Variants in DTNA observed in about 807,000 individuals in gnomAD.
The protein encoded by DTNA is dystrophin-related protein 3.
In DTNA, 43 loss-of-function variants were observed where a neutral mutation model predicts 100.7. The observed-to-expected ratio is 0.43, with a 90% confidence interval of 0.33 to 0.55. DTNA has a LOEUF of 0.55. Ranked by LOEUF, DTNA falls within the 20% of genes least tolerant of loss-of-function variation. DTNA has a pLI of 0.04. For missense variants in DTNA, 798 were observed against 953.9 expected, an observed-to-expected ratio of 0.84 and a Z score of 2.15; for synonymous variants, 349 against 347.9, an observed-to-expected ratio of 1.00 and a Z score of -0.04.
At chr18:34,882,526 G>A (rs781240442) in intron 21 of DTNA, among the ~76,000 whole-genome samples, 1 of 151,820 alleles carries the variant, frequency 6.6e-6, no homozygotes, top group Non-Finnish European at 1.5e-5. Flanking sequence ...GCACCACCAC[G>A]CCCAGTTAAT....
intron 1 of DTNA, among the ~76,000 whole-genome samples, chr18:34,555,682 G>T (rs9955234): frequency 6.6e-6 from 1 of 152,164 alleles, no homozygotes; most frequent in African/African-American, 2.4e-5. Flanking sequence ...GTAGTTGAGC[G>T]GTTTTGAGTG....
intron 1 of DTNA, among the ~76,000 whole-genome samples, chr18:34,732,688 TCA>T (rs1177818153): frequency 2.6e-5 from 4 of 152,202 alleles, no homozygotes; most frequent in Admixed American, 6.5e-5. Context: ...GAAAATTAAA[TCA>T]CACAACAAAT....
intron 1 of DTNA, among the ~76,000 whole-genome samples, chr18:34,645,603 G>A (rs1222019418): frequency 6.6e-6 from 1 of 152,138 alleles, no homozygotes; most frequent in African/African-American, 2.4e-5. Context: ...TGGTAATACA[G>A]ATGGTGTGTA....
At position 34,873,679 on chromosome 18, in the gene DTNA, C is replaced by T. The variant is rs1003485263; in HGVS notation, c.1744-1560C>T. On this transcript the variant is annotated intron_variant, in intron 17 of 22. Transcript: ENST00000444659. ...ACTTCCCAGGGTCATGGAGAGAAAT[C>T]AGTGAGAGTGTATGTGAAAACCCTT... Among the ~76,000 whole-genome samples, 3 of 152,178 alleles carry T rather than the reference C, an allele frequency of 2.0e-5. No individual in the cohort carries two copies. The South Asian group carries it at 6.2e-4, about 32-fold the overall frequency.
intron 1 of DTNA, among the ~76,000 whole-genome samples, chr18:34,718,391 A>G (rs1455268278): frequency 6.6e-6 from 1 of 152,206 alleles, no homozygotes; most frequent in Non-Finnish European, 1.5e-5. Context: ...TTTTAAAAGT[A>G]TATAATTAGG....
intron 3 of DTNA, among the ~76,000 whole-genome samples, chr18:34,776,030 G>T (rs1006037940): frequency 7.9e-5 from 12 of 152,206 alleles, no homozygotes; most frequent in Non-Finnish European, 1.2e-4. Context: ...AAGAGCCACT[G>T]GGACATATAC....
chr18:34,664,569 A>G (rs2075643071), intron 1 of DTNA, among the ~76,000 whole-genome samples: 1 of 152,138 alleles, frequency 6.6e-6, no homozygotes, highest in African/African-American at 2.4e-5. Flanking sequence ...TTTCTGCTAC[A>G]CCAGCCTTCC....
intron 10 of DTNA, 105 bp from the exon 11 acceptor site, chr18:34,829,295 G>T: frequency 1.3e-6 from 2 of 1,522,164 alleles, no homozygotes; most frequent in African/African-American, 1.4e-5. Context: ...TGTTTTGAGG[G>T]TGCTGTTCAA....
chr18:34,880,246 G>A (rs1187290746), intron 20 of DTNA, among the ~76,000 whole-genome samples: 1 of 152,198 alleles, frequency 6.6e-6, no homozygotes, highest in African/African-American at 2.4e-5. Context: ...ACCCTCCAAA[G>A]ACTTATTTGC....
In DTNA at chr18:34,888,286, A is replaced by G. The variant is rs1343278350; in HGVS notation, c.*552A>G. The G allele has an allele frequency of 2.0e-6, 2 of 985,408 alleles. No individual in the cohort carries two copies. The highest frequency in any genetic ancestry group is 2.4e-6 in the Non-Finnish European group (2 of 829,930). The allele number at this position is 985,408 out of a possible 1,614,324, so 61.0% of individuals were successfully genotyped here. A position where few individuals can be genotyped will look rare whatever the true frequency, so the allele number is the denominator to read the frequency against. ...TGTACATTTTTTTCACAGCAATTGG[A>G]AAAAAACAACCACTTGCAATCATTC... On this transcript the variant is annotated 3_prime_UTR_variant, in exon 23 of 23. Coordinates refer to ENST00000444659, the MANE Select transcript of DTNA (RefSeq NM_001386795.1).
intron 1 of DTNA, among the ~76,000 whole-genome samples, chr18:34,698,937 C>G (rs2080984715): frequency 6.6e-6 from 1 of 151,292 alleles, no homozygotes; most frequent in Non-Finnish European, 1.5e-5. Flanking sequence ...ATCCTTCAAT[C>G]CAATCACATT....
intron 1 of DTNA, among the ~76,000 whole-genome samples, chr18:34,534,468 A>G (rs2043474714): frequency 6.6e-6 from 1 of 152,042 alleles, no homozygotes; most frequent in Non-Finnish European, 1.5e-5. Context: ...CAGGGCATCA[A>G]GCATCAAGCA....
chr18:34,737,382 G>A (rs905447365), intron 1 of DTNA, among the ~76,000 whole-genome samples: 3 of 152,108 alleles, frequency 2.0e-5, no homozygotes, highest in Non-Finnish European at 2.9e-5. Flanking sequence ...TTCTAAAGAC[G>A]GTCTGGTTCT....
intron 3 of DTNA, among the ~76,000 whole-genome samples, chr18:34,781,170 G>A (rs945605618): frequency 2.0e-5 from 3 of 152,188 alleles, no homozygotes; most frequent in African/African-American, 7.2e-5. Flanking sequence ...AGGTACACAA[G>A]AAGGATCTGA....
intron 1 of DTNA, among the ~76,000 whole-genome samples, chr18:34,714,404 C>G (rs1257524074): frequency 3.4e-5 from 5 of 148,496 alleles, no homozygotes; most frequent in Admixed American, 3.3e-4. Context: ...ACAAACAACC[C>G]CATCAAAAAG....
rs145747120 is a variant in DTNA, at chr18:34,712,704, C to T, written c.-2+2259C>T. On this transcript the variant is annotated intron_variant, in intron 1 of 22. Coordinates refer to ENST00000444659, the MANE Select transcript of DTNA (RefSeq NM_001386795.1). ...TTTAATTGTACAGTATTTGTTTCAA[C>T]TCTTGTTTAAATTATGCTTTCTTGT... Among the ~76,000 whole-genome samples, 158 of 152,204 alleles carry T rather than the reference C, an allele frequency of 1.0e-3. 1 individual carries two copies. Among genetic ancestry groups the T allele is most frequent in the African/African-American group, 3.5e-3 (146 of 41,568 alleles).
At chr18:34,705,998 A>G (rs964842401), upstream of DTNA, among the ~76,000 whole-genome samples, 1 of 152,134 alleles carries the variant, frequency 6.6e-6, no homozygotes, top group Non-Finnish European at 1.5e-5. Flanking sequence ...CCCAGGCTAG[A>G]GTGTAGTGGC....
chr18:34,803,396 T>G (rs1007237775), intron 4 of DTNA, among the ~76,000 whole-genome samples: 2 of 152,016 alleles, frequency 1.3e-5, no homozygotes, highest in African/African-American at 4.8e-5. Context: ...AATCTCCCCA[T>G]GATCTTCTTC....
intron 1 of DTNA, among the ~76,000 whole-genome samples, chr18:34,681,361 G>A (rs1369636003): frequency 1.3e-5 from 2 of 152,022 alleles, no homozygotes; most frequent in African/African-American, 4.8e-5. Context: ...TTTATACTAA[G>A]ACATTGAGAT....
Sources: allele counts gnomAD v4.1 joint callset (sites outside exome capture counted in the v4.1 genomes callset), GRCh38; gene constraint gnomAD v4.1.1; transcripts MANE v1.5; gene names NCBI Gene and HGNC (gene_info 2026-07-23, HGNC 2026-07-21).